Variants in TRDN observed in about 807,000 individuals in gnomAD.
TRDN encodes the protein triadin in skeletal muscle.
In TRDN, 161 loss-of-function variants were observed where a neutral mutation model predicts 149.7. The ratio of observed to expected loss-of-function variants is 1.08; its 90% CI spans 0.95 to 1.23. The LOEUF is 1.23. Among genes scored for constraint, TRDN ranks in the 50% most tolerant of loss-of-function variants. TRDN has a pLI of 0.00. For synonymous variants in TRDN, 294 were observed against 250.5 expected, an observed-to-expected ratio of 1.17 and a Z score of -1.64; for missense variants, 896 against 823.5, an observed-to-expected ratio of 1.09 and a Z score of -1.08.
At chr6:123,412,894 G>T (rs1021877830) in intron 12 of TRDN, among the ~76,000 whole-genome samples, 2 of 152,104 alleles carry the variant, frequency 1.3e-5, no homozygotes, top group African/African-American at 2.4e-5. Flanking sequence ...CGGTTCATTA[G>T]TAACTAGCTA....
intron 12 of TRDN, among the ~76,000 whole-genome samples, chr6:123,437,153 C>A (rs904037740): frequency 3.9e-5 from 6 of 151,988 alleles, no homozygotes; most frequent in East Asian, 1.9e-4. Context: ...TAATAGGGTG[C>A]ATTATTCTTT....
intron 38 of TRDN, among the ~76,000 whole-genome samples, chr6:123,248,182 C>A (rs1269946957): frequency 6.6e-6 from 1 of 152,042 alleles, no homozygotes; most frequent in African/African-American, 2.4e-5. Flanking sequence ...AAACAGCCAG[C>A]TAGCCTAAGC....
chr6:123,536,217 G>A (rs1271849884), intron 4 of TRDN, among the ~76,000 whole-genome samples: 2 of 152,022 alleles, frequency 1.3e-5, no homozygotes, highest in South Asian at 2.1e-4. Context: ...TTTGATGAGG[G>A]CAAGAATTAT....
Position 123,260,644 on chromosome 6 carries a change from GAAAAAA to G in TRDN, c.1805-12_1805-7del. 1 of 1,062,552 alleles carries G rather than the reference GAAAAAA, an allele frequency of 9.4e-7. No homozygotes were observed. The allele number at this position is 1,062,552 out of a possible 1,614,324, so 65.8% of individuals were successfully genotyped here. ...TGTGACTTCTGATGTTCCTTCTTTA[GAAAAAA>G]AAAAAAAAAGAATGTAGAAAGAAAG... is the stretch of plus-strand genomic sequence containing the variant. On this transcript the variant is annotated splice_polypyrimidine_tract_variant and splice_region_variant and intron_variant, in intron 33 of 40. Transcript: ENST00000334268.
At chr6:123,480,699 G>C (rs779878463) in intron 9 of TRDN, among the ~76,000 whole-genome samples, 25 of 151,900 alleles carry the variant, frequency 1.6e-4, no homozygotes, top group Non-Finnish European at 3.1e-4. Flanking sequence ...GAGGAAAAAT[G>C]GTTCCCAGAG....
At chr6:123,362,136 T>C (rs1405789116) in intron 20 of TRDN, among the ~76,000 whole-genome samples, 1 of 152,184 alleles carries the variant, frequency 6.6e-6, no homozygotes, top group Non-Finnish European at 1.5e-5. Flanking sequence ...AAATTATTTT[T>C]CTTTTCTTCC....
At chr6:123,330,552 C>T (rs1450118574) in intron 23 of TRDN, among the ~76,000 whole-genome samples, 1 of 151,694 alleles carries the variant, frequency 6.6e-6, no homozygotes, top group Non-Finnish European at 1.5e-5. Flanking sequence ...CTCATAAAAG[C>T]CGATGAAAAG....
intron 1 of TRDN, among the ~76,000 whole-genome samples, chr6:123,574,857 CATATATATATATATATATAT>C (rs1162190609): frequency 5.9e-5 from 3 of 50,570 alleles, no homozygotes; most frequent in African/African-American, 1.6e-4. Context: ...TTTATATATA[CATATATATATATATATATAT>C]ATATATATAT....
At chr6:123,622,482 G>A (rs555718628) in intron 1 of TRDN, among the ~76,000 whole-genome samples, 1 of 152,246 alleles carries the variant, frequency 6.6e-6, no homozygotes, top group Non-Finnish European at 1.5e-5. Flanking sequence ...CGACTGGTAA[G>A]TCGGTGTCCT....
intron 19 of TRDN, among the ~76,000 whole-genome samples, chr6:123,367,119 T>C (rs1781133447): frequency 1.3e-5 from 2 of 152,224 alleles, no homozygotes; most frequent in East Asian, 3.9e-4. Flanking sequence ...AGTCATAATC[T>C]GAACTGTTGG....
intron 23 of TRDN, among the ~76,000 whole-genome samples, chr6:123,321,861 A>T (rs1395476153): frequency 6.6e-6 from 1 of 151,710 alleles, no homozygotes; most frequent in Non-Finnish European, 1.5e-5. Flanking sequence ...GATAAATATA[A>T]CTGTGAAAAA....
chr6:123,570,825 A>T (rs1782535874), intron 2 of TRDN, 98 bp downstream of exon 2: 1 of 1,097,752 alleles, frequency 9.1e-7, no homozygotes, highest in Non-Finnish European at 1.3e-6. Context: ...TCTTCCTCAC[A>T]CTAAGATGAA....
At chr6:123,492,951 T>C (rs1461026014) in intron 9 of TRDN, among the ~76,000 whole-genome samples, 1 of 152,062 alleles carries the variant, frequency 6.6e-6, no homozygotes, top group African/African-American at 2.4e-5. Context: ...CCGACTCTCC[T>C]CTCTCTGTCT....
At chr6:123,429,070 A>G (rs1443130873) in intron 12 of TRDN, 1 of 152,140 alleles carries the variant, frequency 6.6e-6, no homozygotes, top group Non-Finnish European at 1.5e-5. Flanking sequence ...AAATTAGCAA[A>G]AAAGAAAAAG....
intron 1 of TRDN, among the ~76,000 whole-genome samples, chr6:123,614,975 A>T (rs1583326525): frequency 6.6e-6 from 1 of 152,316 alleles, no homozygotes; most frequent in East Asian, 1.9e-4. Flanking sequence ...AAATAGTGTG[A>T]TTAAAAACCT....
intron 9 of TRDN, among the ~76,000 whole-genome samples, chr6:123,474,819 A>C (rs372107977): frequency 1.3e-5 from 2 of 152,146 alleles, no homozygotes; most frequent in African/African-American, 2.4e-5. Context: ...CTGCTCCTGA[A>C]TGACTACTGG....
intron 6 of TRDN, 50 bp from the exon 7 acceptor site, chr6:123,512,412 C>A (rs1274222433): frequency 8.7e-7 from 1 of 1,144,164 alleles, no homozygotes; most frequent in Admixed American, 2.4e-5. Flanking sequence ...GATTTCAAAA[C>A]CAAGCTTTCT....
chr6:123,444,897 T>C (rs1030970514), intron 10 of TRDN: 12 of 152,258 alleles, frequency 7.9e-5, no homozygotes, highest in African/African-American at 2.9e-4. Context: ...ATAAGCTTTT[T>C]GATGTGCTGA....
chr6:123,380,310 G>A (rs371490312), intron 16 of TRDN, among the ~76,000 whole-genome samples: 1 of 152,162 alleles, frequency 6.6e-6, no homozygotes, highest in Non-Finnish European at 1.5e-5. Context: ...GTAATAAAGG[G>A]CCTTAAGGCT....
Sources: allele counts gnomAD v4.1 joint callset (sites outside exome capture counted in the v4.1 genomes callset), GRCh38; gene constraint gnomAD v4.1.1; transcripts MANE v1.5; gene names NCBI Gene and HGNC (gene_info 2026-07-23, HGNC 2026-07-21).